The following HK1 variants were observed in gnomAD, a reference collection of about 807,000 sequenced individuals.
HK1 encodes the protein hexokinase-1.
HK1 carries 28 observed loss-of-function variants against 91.6 expected under a neutral mutation model. The ratio of observed to expected loss-of-function variants is 0.31; its 90% CI spans 0.23 to 0.42. HK1 has a LOEUF of 0.42. Among genes scored for constraint, HK1 ranks in the 10% least tolerant of loss-of-function variants. The pLI is 1.00. For synonymous variants in HK1, 430 were observed against 468.1 expected, an observed-to-expected ratio of 0.92 and a Z score of 1.05; for missense variants, 770 against 1,219.8, an observed-to-expected ratio of 0.63 and a Z score of 5.49.
At chr10:69,389,324 T>C in intron 14 of HK1, 28 bp downstream of exon 14, 1 of 1,538,336 alleles carries the variant, frequency 6.5e-7, no homozygotes, top group Non-Finnish European at 8.9e-7. Context: ...TCTCTTTCCC[T>C]GCAGAAGGGA....
At chr10:69,345,170 A>T (rs1848488738) in intron 2 of HK1, among the ~76,000 whole-genome samples, 1 of 152,118 alleles carries the variant, frequency 6.6e-6, no homozygotes, top group Non-Finnish European at 1.5e-5. Context: ...TTGGACGCTG[A>T]TAAAGAGGCC....
intron 7 of HK1, 146 bp from the exon 8 acceptor site, chr10:69,376,788 A>G: frequency 9.9e-7 from 1 of 1,005,034 alleles, no homozygotes; most frequent in Admixed American, 1.7e-5. Flanking sequence ...CTGTTCAGTC[A>G]CTCAAGCACA....
At chr10:69,361,580 T>G (rs545879875) in intron 3 of HK1, among the ~76,000 whole-genome samples, 1 of 152,344 alleles carries the variant, frequency 6.6e-6, no homozygotes, top group South Asian at 2.1e-4. Context: ...AAACATTCCC[T>G]GTGTGTTTTG....
At chr10:69,279,091 A>G (rs1044038772) in intron 1 of HK1, among the ~76,000 whole-genome samples, 6 of 152,170 alleles carry the variant, frequency 3.9e-5, no homozygotes, top group Non-Finnish European at 7.4e-5. Context: ...ATGCTATATT[A>G]TCACTCATGG....
chr10:69,362,335 C>T lies in HK1; in HGVS notation c.375+2290C>T, dbSNP rs1309854671. Among the ~76,000 whole-genome samples, 5 of 152,040 alleles carry T rather than the reference C, an allele frequency of 3.3e-5. No individual in the cohort carries two copies. The East Asian group carries it at 9.6e-4, about 29-fold the overall frequency. ...TCAAGCGATCCTCCCACTTTAGCCT[C>T]CCAAAGTGCTGGATTATAGATGTGA... On this transcript the variant is annotated intron_variant, in intron 3 of 17. Transcript: ENST00000359426.
rs182787156 is a variant in HK1, at chr10:69,299,516, G to A, written c.-66-1253G>A. 1.1e-3 allele frequency among the ~76,000 whole-genome samples: 164 copies of A among 151,614 alleles called. 7 individuals carry two copies. The highest frequency in any genetic ancestry group is 3.9e-3 in the African/African-American group (158 of 41,010). Reference sequence around the variant, plus strand: ...CGAGTAGTTGGGATTACAGGCGTGCGCCACCAGGCCCAGCTAATTTTTGTA... The same window carrying A: ...CGAGTAGTTGGGATTACAGGCGTGCACCACCAGGCCCAGCTAATTTTTGTA... On this transcript the variant is annotated intron_variant, in intron 4 of 21. Coordinates refer to the HK1 transcript ENST00000360289.
chr10:69,298,546 G>A (rs1265554814), intron 4 of HK1, among the ~76,000 whole-genome samples: 1 of 151,854 alleles, frequency 6.6e-6, no homozygotes, highest in African/African-American at 2.4e-5. Flanking sequence ...AGAATTGCTT[G>A]AGTCCAAGAG....
At chr10:69,279,048 T>C in intron 1 of HK1, among the ~76,000 whole-genome samples, 1 of 152,216 alleles carries the variant, frequency 6.6e-6, no homozygotes, top group South Asian at 2.1e-4. Context: ...GCCCATTTCA[T>C]AGTAAGTTTC....
intron 2 of HK1, among the ~76,000 whole-genome samples, chr10:69,351,557 T>C (rs1356270045): frequency 1.3e-5 from 2 of 151,990 alleles, no homozygotes; most frequent in Non-Finnish European, 2.9e-5. Flanking sequence ...AACCCAAAGC[T>C]ATAAGGAATC....
Position 69,401,013 on chromosome 10 carries a change from A to C in HK1, c.2632A>C (p.Thr878Pro), listed in dbSNP as rs1564575493. The change falls in exon 18 of 18, where the codon ACG becomes CCG. Residue 878 changes from threonine (T) to proline (P), a missense_variant. By Grantham distance (38) the Thr-to-Pro change is conservative. Around this residue, in one of 7 missense-constraint regions of HK1, gnomAD observed 78 missense variants for 99.0 expected, o/e 0.79. Transcript: ENST00000359426. ...HPHFSRIMHQ[T>P]VKELSPKCNV... ...TAGCTTCTCCAGAATCATGCACCAG[A>C]CGGTGAAGGAACTGTCACCAAAATG... 1.2e-6 allele frequency: 2 copies of C among 1,614,244 alleles called. No homozygotes were observed.
rs145990375 is a variant in HK1, at chr10:69,354,793, C to T, written c.227-5104C>T. Among the ~76,000 whole-genome samples, 791 of 152,254 alleles carry T rather than the reference C, an allele frequency of 5.2e-3. 2 individuals carry two copies. The highest frequency in any genetic ancestry group is 0.024 in the Middle Eastern group (7 of 294). On this transcript the variant is annotated intron_variant, in intron 2 of 17. Coordinates refer to ENST00000359426, the MANE Select transcript of HK1 (RefSeq NM_000188.3). The stretch of plus-strand genomic sequence containing the variant: ...AGAACGAAGATAGGAACAGGCTGGG[C>T]GCAGTGGCTCATGCCTGTAATCCTA...
chr10:69,401,695 C>A lies in HK1; in HGVS notation c.*560C>A. On this transcript the variant is annotated 3_prime_UTR_variant, in exon 18 of 18. Coordinates refer to ENST00000359426, the MANE Select transcript of HK1 (RefSeq NM_000188.3). ...CCACAAAATCGTGTGTCCGTGGAAC[C>A]AGTCCTAGCCGCGTGTGACAGTCTT... 1 of 283,560 alleles carries A rather than the reference C, an allele frequency of 3.5e-6. No individual in the cohort carries two copies. The highest frequency in any genetic ancestry group is 3.0e-5 in the South Asian group (1 of 33,864). The allele number at this position is 283,560 out of a possible 1,614,324, so 17.6% of individuals were successfully genotyped here.
rs755988427 is a variant in HK1 at position 69,379,997 on chromosome 10, A to G, written c.1167A>G (p.Thr389=). 6.2e-6 allele frequency: 10 copies of G among 1,614,086 alleles called. No homozygotes were observed. Among genetic ancestry groups the G allele is most frequent in the Non-Finnish European group, 8.5e-6 (10 of 1,179,996 alleles). The change falls in exon 9 of 18, where the codon ACA becomes ACG. Residue 389 remains threonine (T), a synonymous_variant. Transcript: ENST00000359426. ...GCTCAGCCAACTTGGTGGCTGCCACACTGGGCGCCATCTTGAACCGCCTGC... is the reference window on the plus strand; with the variant it reads ...GCTCAGCCAACTTGGTGGCTGCCACGCTGGGCGCCATCTTGAACCGCCTGC... The part of the protein sequence containing the change: ...SFRSANLVAA[T]LGAILNRLRD...
In HK1 at chr10:69,364,781, A is replaced by G; in HGVS notation, c.376-2A>G. On this transcript the variant is annotated splice_acceptor_variant, in intron 3 of 17. Transcript: ENST00000359426. LOFTEE classifies it high-confidence loss of function. The stretch of plus-strand genomic sequence containing the variant: ...CCCTGACTGCTCTCATGTTTCCTTC[A>G]GCTTTTTGATCATGTTGCTGAGTGC... The G allele has an allele frequency of 6.2e-7, 1 of 1,614,172 alleles. No homozygotes were observed. Among genetic ancestry groups the G allele is most frequent in the Non-Finnish European group, 8.5e-7 (1 of 1,180,028 alleles).
At chr10:69,322,704 A>G (rs1847110556) in intron 1 of HK1, among the ~76,000 whole-genome samples, 1 of 151,844 alleles carries the variant, frequency 6.6e-6, no homozygotes, top group Non-Finnish European at 1.5e-5. Flanking sequence ...CAGCCTGACC[A>G]ACATGGAGAA....
At position 69,397,933 on chromosome 10, in the gene HK1, T is replaced by TA. The variant is rs201988246; in HGVS notation, c.2376-655dup. ...CTTCTTATAAAACTGTCAAAAGTTG[T>TA]AAAAAAATGCTCTTTTCCAGTGAGG... On this transcript the variant is annotated intron_variant, in intron 16 of 17. Transcript: ENST00000359426. Among the ~76,000 whole-genome samples, 993 of 152,280 alleles carry TA rather than the reference T, an allele frequency of 6.5e-3. 15 individuals are homozygous for TA. Among genetic ancestry groups the TA allele is most frequent in the African/African-American group, 0.022 (928 of 41,574 alleles).
chr10:69,369,389 C>T lies in HK1; in HGVS notation c.692-52C>T. Reference sequence around the variant, plus strand: ...TTGTTCGGCCCATCTTTCCAGGTGGCTCTGCACCCTCCCCGTTGTGTGGTC... The same window carrying T: ...TTGTTCGGCCCATCTTTCCAGGTGGTTCTGCACCCTCCCCGTTGTGTGGTC... On this transcript the variant is annotated intron_variant, in intron 6 of 17. Transcript: ENST00000359426. This position sits in a 1 kb window ranked among gnomAD's most constrained non-coding sequence, Gnocchi z 4.4. The T allele has an allele frequency of 3.1e-6, 5 of 1,613,568 alleles. No homozygotes were observed. Among genetic ancestry groups the T allele is most frequent in the Non-Finnish European group, 4.2e-6 (5 of 1,179,452 alleles).
At chr10:69,316,088 T>C, upstream of HK1, 1 of 1,225,466 alleles carries the variant, frequency 8.2e-7, no homozygotes, top group Non-Finnish European at 1.2e-6. Context: ...CAGGCAGAGG[T>C]GAGTGGAGAA....
At chr10:69,312,841 G>A (rs1846440045), upstream of HK1, among the ~76,000 whole-genome samples, 1 of 150,614 alleles carries the variant, frequency 6.6e-6, no homozygotes, top group Non-Finnish European at 1.5e-5. Context: ...TGGAGGTGGG[G>A]CAGTCTCTTC....
Sources: allele counts gnomAD v4.1 joint callset (sites outside exome capture counted in the v4.1 genomes callset), GRCh38; gene constraint gnomAD v4.1.1; regional missense constraint gnomAD v4.1.1; non-coding constraint Gnocchi (gnomAD v3.1); transcripts MANE v1.5; gene names NCBI Gene and HGNC (gene_info 2026-07-23, HGNC 2026-07-21).